Variants in PDE1C observed in about 807,000 individuals in gnomAD.
PDE1C encodes phosphodiesterase 1C.
A neutral mutation model predicts 93.1 loss-of-function variants in PDE1C; 62 were observed. The ratio of observed to expected loss-of-function variants is 0.67; its 90% CI spans 0.54 to 0.82. PDE1C has a LOEUF of 0.82. Ranked by LOEUF, PDE1C falls within the 40% of genes least tolerant of loss-of-function variation. The pLI, the probability that PDE1C is intolerant of heterozygous loss-of-function variation, is 0.00. For missense variants in PDE1C, 742 were observed against 884.6 expected, an observed-to-expected ratio of 0.84 and a Z score of 2.04; for synonymous variants, 325 against 310.1, an observed-to-expected ratio of 1.05 and a Z score of -0.50.
chr7:31,655,777 A>G, the PDE1C span: 1 of 985,228 alleles, frequency 1.0e-6, no homozygotes, highest in Non-Finnish European at 1.2e-6. Context: ...TTTACTCTTT[A>G]CCCAGGTTGG....
At chr7:32,027,198 T>C (rs901646874) in intron 2 of PDE1C, among the ~76,000 whole-genome samples, 1 of 152,124 alleles carries the variant, frequency 6.6e-6, no homozygotes, top group Non-Finnish European at 1.5e-5. Context: ...TGTAGGTTCA[T>C]TGATTGTAAC....
At chr7:32,096,860 TAGACAGAC>T (rs879543642) in intron 3 of PDE1C, among the ~76,000 whole-genome samples, 1 of 150,408 alleles carries the variant, frequency 6.6e-6, no homozygotes, top group Non-Finnish European at 1.5e-5. Flanking sequence ...GATAGATAGA[TAGACAGAC>T]AGATCAACAG....
chr7:31,668,423 C>T, the PDE1C span, among the ~76,000 whole-genome samples: 2 of 152,010 alleles, frequency 1.3e-5, no homozygotes, highest in Non-Finnish European at 2.9e-5. Flanking sequence ...AATAACATCA[C>T]AAATTTTCAT....
chr7:31,705,459 G>A, the PDE1C span, among the ~76,000 whole-genome samples: 2 of 148,886 alleles, frequency 1.3e-5, no homozygotes, highest in African/African-American at 2.5e-5. Flanking sequence ...GCTGGTGTAC[G>A]AGAAATATCT....
chr7:32,092,866 T>A (rs1216857799), intron 3 of PDE1C, among the ~76,000 whole-genome samples: 2 of 134,548 alleles, frequency 1.5e-5, no homozygotes, highest in South Asian at 5.2e-4. Context: ...AGTTGTGAAT[T>A]CAGCATTATT....
At chr7:31,865,393 A>C (rs897292082) in intron 6 of PDE1C, among the ~76,000 whole-genome samples, 60 of 152,200 alleles carry the variant, frequency 3.9e-4, no homozygotes, top group African/African-American at 1.4e-3. Flanking sequence ...TTTTTAATAC[A>C]CACATAGAAA....
At chr7:32,090,143 G>A (rs866688097) in intron 3 of PDE1C, among the ~76,000 whole-genome samples, 9 of 152,020 alleles carry the variant, frequency 5.9e-5, no homozygotes, top group African/African-American at 1.9e-4. Context: ...ATAATGCATG[G>A]AGCTAAGTGA....
At chr7:31,747,704 G>A (rs1446887785), downstream of PDE1C, among the ~76,000 whole-genome samples, 1 of 152,086 alleles carries the variant, frequency 6.6e-6, no homozygotes. Context: ...TGGTGGGCAG[G>A]GGTTAGGGAA....
At chr7:31,692,079 T>C in the PDE1C span, among the ~76,000 whole-genome samples, 3 of 152,236 alleles carry the variant, frequency 2.0e-5, no homozygotes, top group Non-Finnish European at 4.4e-5. Flanking sequence ...TTTCTGTGAC[T>C]CTCAGCTAAT....
chr7:32,048,859 G>C (rs1393999371), intron 2 of PDE1C, among the ~76,000 whole-genome samples: 1 of 152,104 alleles, frequency 6.6e-6, no homozygotes, highest in Non-Finnish European at 1.5e-5. Context: ...AATAAAGCTT[G>C]TTCAACATAA....
intron 1 of PDE1C, among the ~76,000 whole-genome samples, chr7:32,223,224 A>C (rs561103258): frequency 6.6e-6 from 1 of 152,164 alleles, no homozygotes; most frequent in African/African-American, 2.4e-5. Context: ...TTCCCATTTC[A>C]CTTGTTTTTC....
At position 32,083,194 on chromosome 7, in the gene PDE1C, C is replaced by T. The variant is rs561866437; in HGVS notation, c.308+86591G>A. On this transcript the variant is annotated intron_variant, in intron 3 of 18. Coordinates refer to the PDE1C transcript ENST00000396193. The stretch of plus-strand genomic sequence containing the variant: ...GCTGAAAGCCAAGGCTTGAGAACTA[C>T]GTGAAGAATGCAGAAGCCTCAGGAG... Among the ~76,000 whole-genome samples, 242 of 152,032 alleles carry T rather than the reference C, an allele frequency of 1.6e-3. 1 individual carries two copies. The highest frequency in any genetic ancestry group is 3.1e-3 in the African/African-American group (129 of 41,416).
the PDE1C span, among the ~76,000 whole-genome samples, chr7:31,738,324 G>C: frequency 6.6e-6 from 1 of 152,146 alleles, no homozygotes; most frequent in Non-Finnish European, 1.5e-5. Context: ...GGGTGGGGAG[G>C]CCTCACAATC....
intron 7 of PDE1C, among the ~76,000 whole-genome samples, chr7:31,863,964 A>C (rs1000829415): frequency 4.6e-5 from 7 of 152,314 alleles, no homozygotes; most frequent in Admixed American, 1.3e-4. Context: ...CAAGTCTTTC[A>C]ACAGTCACTG....
the PDE1C span, chr7:31,652,078 C>A: frequency 6.8e-7 from 1 of 1,476,528 alleles, no homozygotes; most frequent in Non-Finnish European, 9.3e-7. Flanking sequence ...TGGAGTTTGA[C>A]TATATCCAGC....
rs1258620623 is a variant in PDE1C, at chr7:31,850,749, G to C, written c.751-8C>G. On this transcript the variant is annotated splice_polypyrimidine_tract_variant and splice_region_variant and intron_variant, in intron 7 of 17. Coordinates refer to ENST00000396191, the MANE Select transcript of PDE1C (RefSeq NM_001191057.4). Reference sequence around the variant, plus strand: ...CAGCTCCGTCAGCCAGTTCTGAAAGGAGATTACAGAGCAATCAGATAATCT... The same window carrying C: ...CAGCTCCGTCAGCCAGTTCTGAAAGCAGATTACAGAGCAATCAGATAATCT... 6.4e-7 allele frequency: 1 copy of C among 1,573,782 alleles called. No individual in the cohort carries two copies. The highest frequency in any genetic ancestry group is 1.7e-5 in the Admixed American group (1 of 59,892).
At chr7:32,212,330 G>A (rs1806108405) in intron 1 of PDE1C, among the ~76,000 whole-genome samples, 1 of 152,142 alleles carries the variant, frequency 6.6e-6, no homozygotes, top group East Asian at 1.9e-4. Flanking sequence ...ATCCAAGGAT[G>A]GGAATTGCTG....
chr7:32,174,580 C>T (rs10249533), intron 2 of PDE1C, among the ~76,000 whole-genome samples: 13,666 of 152,204 alleles, frequency 0.09, 883 homozygotes, highest in South Asian at 0.18. Flanking sequence ...AACAAAGCAG[C>T]TCCTGAGGCT....
At chr7:31,705,912 C>T in the PDE1C span, among the ~76,000 whole-genome samples, 8 of 150,282 alleles carry the variant, frequency 5.3e-5, no homozygotes, top group East Asian at 1.4e-3. Flanking sequence ...CCATGTGGCC[C>T]TTCTTGGCTG....
Sources: gnomAD v4.1 joint callset for allele counts (sites outside exome capture counted in the v4.1 genomes callset) on GRCh38, gnomAD v4.1.1 for gene constraint, MANE v1.5 for transcripts, NCBI Gene and HGNC (gene_info 2026-07-23, HGNC 2026-07-21) for gene names.